GSE1: variants seen among roughly 807,000 people sequenced by gnomAD.
GSE1 encodes Gse1 coiled-coil protein.
GSE1 carries 32 observed loss-of-function variants against 112.6 expected under a neutral mutation model. The ratio of observed to expected loss-of-function variants is 0.28; its 90% CI spans 0.21 to 0.38. The LOEUF is 0.38. Among genes scored for constraint, GSE1 ranks in the 10% least tolerant of loss-of-function variants. GSE1 has a pLI of 1.00. For synonymous variants in GSE1, 1,115 were observed against 735.6 expected, an observed-to-expected ratio of 1.52 and a Z score of -8.35; for missense variants, 2,348 against 1,699.2, an observed-to-expected ratio of 1.38 and a Z score of -6.71.
chr16:85,410,023 T>G (rs1483933293), intron 2 of GSE1, among the ~76,000 whole-genome samples: 2 of 23,350 alleles, frequency 8.6e-5, no homozygotes, highest in Non-Finnish European at 1.4e-4. Context: ...TCCTCACTGT[T>G]ACACTCAGGG....
intron 2 of GSE1, among the ~76,000 whole-genome samples, chr16:85,635,395 C>T (rs2151761523): frequency 6.6e-6 from 1 of 152,334 alleles, no homozygotes; most frequent in East Asian, 1.9e-4. Context: ...TCCCTGGCCA[C>T]ACCTGAGCGG....
chr16:85,390,962 G>A (rs561544992), intron 2 of GSE1, among the ~76,000 whole-genome samples: 56 of 152,346 alleles, frequency 3.7e-4, no homozygotes, highest in African/African-American at 1.3e-3. Context: ...GGAACTGATA[G>A]CGGTCCACTT....
chr16:85,331,495 ATATGTG>A (rs1359658422), intron 1 of GSE1, among the ~76,000 whole-genome samples: 8 of 121,860 alleles, frequency 6.6e-5, no homozygotes, highest in East Asian at 2.7e-4. Context: ...ATATATGTGT[ATATGTG>A]TATATATGTA....
At chr16:85,602,556 A>G (rs2047513671) in intron 1 of GSE1, among the ~76,000 whole-genome samples, 1 of 151,546 alleles carries the variant, frequency 6.6e-6, no homozygotes, top group Admixed American at 6.6e-5. Context: ...GCCTAGGGTG[A>G]CCCGCTGCTC....
intron 1 of GSE1, among the ~76,000 whole-genome samples, chr16:85,228,177 G>A (rs752309961): frequency 6.6e-6 from 1 of 152,246 alleles, no homozygotes; most frequent in Non-Finnish European, 1.5e-5. Flanking sequence ...CCCGGCCCCC[G>A]CCGGAGGAGC....
intron 2 of GSE1, among the ~76,000 whole-genome samples, chr16:85,475,900 A>T (rs1237061962): frequency 6.6e-6 from 1 of 151,482 alleles, no homozygotes. Flanking sequence ...CTAGCATTAC[A>T]GGTGTGAGCC....
intron 1 of GSE1, among the ~76,000 whole-genome samples, chr16:85,227,633 G>C (rs923457007): frequency 6.6e-6 from 1 of 152,210 alleles, no homozygotes; most frequent in Non-Finnish European, 1.5e-5. Flanking sequence ...ATGCCGGGTG[G>C]TTGGGTCACT....
intron 1 of GSE1, among the ~76,000 whole-genome samples, chr16:85,560,624 G>C (rs745395822): frequency 6.6e-6 from 1 of 152,130 alleles, no homozygotes; most frequent in Non-Finnish European, 1.5e-5. Context: ...GAGGGCACAA[G>C]CTGTGGCCTC....
At chr16:85,390,468 G>C (rs1028064788) in intron 2 of GSE1, among the ~76,000 whole-genome samples, 1 of 152,132 alleles carries the variant, frequency 6.6e-6, no homozygotes, top group African/African-American at 2.4e-5. Flanking sequence ...AGCTAGCTTC[G>C]TGTCCCTCCA....
Position 85,171,633 on chromosome 16 carries a change from C to T in GSE1, c.2109C>T (p.Ala703=), listed in dbSNP as rs538241253. The T allele has an allele frequency of 4.1e-6, 4 of 985,440 alleles. No individual in the cohort carries two copies. The African/African-American group carries it at 5.2e-5, about 13-fold the overall frequency. The allele number at this position is 985,440 out of a possible 1,614,324, so 61.0% of individuals were successfully genotyped here. The stretch of plus-strand genomic sequence containing the variant: ...TGGGGCTGAAGTCCGTGCGGGTGGC[C>T]CGGCTGCCCCTGTTCCTATACACCC... The change falls in exon 1 of 3, where the codon GCC becomes GCT. Residue 703 remains alanine (A), a synonymous_variant. Coordinates refer to the GSE1 transcript ENST00000637419.
chr16:85,620,004 C>T (rs2048629430), intron 1 of GSE1, among the ~76,000 whole-genome samples: 1 of 152,150 alleles, frequency 6.6e-6, no homozygotes, highest in Non-Finnish European at 1.5e-5. Flanking sequence ...CCTGTTTAAC[C>T]TGGGCTGCTT....
At chr16:85,176,885 C>A (rs1057172891) in intron 1 of GSE1, among the ~76,000 whole-genome samples, 1 of 152,264 alleles carries the variant, frequency 6.6e-6, no homozygotes, top group Admixed American at 6.5e-5. Flanking sequence ...GTTCCCTGCT[C>A]CTCAGGGGGC....
intron 2 of GSE1, among the ~76,000 whole-genome samples, chr16:85,429,568 C>A (rs1381982522): frequency 6.6e-6 from 1 of 152,192 alleles, no homozygotes; most frequent in African/African-American, 2.4e-5. Flanking sequence ...AGTCCTTAGC[C>A]TGGCCTCAAA....
intron 1 of GSE1, among the ~76,000 whole-genome samples, chr16:85,289,223 C>T (rs1272960802): frequency 6.6e-6 from 1 of 152,168 alleles, no homozygotes; most frequent in Non-Finnish European, 1.5e-5. Flanking sequence ...TGGAGTCCTC[C>T]CTGCAGTCCC....
intron 2 of GSE1, among the ~76,000 whole-genome samples, chr16:85,534,180 G>A (rs2044243843): frequency 6.6e-6 from 1 of 150,592 alleles, no homozygotes; most frequent in South Asian, 2.1e-4. Flanking sequence ...GGAGTGCAGT[G>A]GCCTGATCTC....
intron 1 of GSE1, among the ~76,000 whole-genome samples, chr16:85,309,613 C>G (rs545478259): frequency 1.3e-5 from 2 of 152,276 alleles, no homozygotes; most frequent in African/African-American, 2.4e-5. Flanking sequence ...GCCCACCCCC[C>G]GGATCTGGCC....
chr16:85,401,107 G>A (rs2048104880), intron 2 of GSE1, among the ~76,000 whole-genome samples: 1 of 152,204 alleles, frequency 6.6e-6, no homozygotes, highest in Non-Finnish European at 1.5e-5. Flanking sequence ...GGGGTCCGCA[G>A]CTTGGGCTTT....
chr16:85,470,248 G>C (rs2050246321), intron 2 of GSE1, among the ~76,000 whole-genome samples: 1 of 152,224 alleles, frequency 6.6e-6, no homozygotes, highest in Non-Finnish European at 1.5e-5. Flanking sequence ...GTTGATGTGA[G>C]AGGGCACCTG....
chr16:85,188,573 A>G (rs1281795061), intron 1 of GSE1, among the ~76,000 whole-genome samples: 1 of 152,086 alleles, frequency 6.6e-6, no homozygotes. Flanking sequence ...AGGCTAAGGC[A>G]GGAGGATCAC....
Sources: allele counts gnomAD v4.1 joint callset (sites outside exome capture counted in the v4.1 genomes callset), GRCh38; gene constraint gnomAD v4.1.1; transcripts MANE v1.5; gene names NCBI Gene and HGNC (gene_info 2026-07-23, HGNC 2026-07-21).